PAWR: variants seen among roughly 807,000 people sequenced by gnomAD.
PAWR encodes pro-apoptotic WT1 regulator.
A neutral mutation model predicts 32.0 loss-of-function variants in PAWR; 23 were observed. That is an observed-to-expected ratio of 0.72 (90% CI 0.52 to 1.02). The LOEUF is 1.02. Among genes scored for constraint, PAWR ranks in the 50% least tolerant of loss-of-function variants. The pLI is 0.00. For synonymous variants in PAWR, 226 were observed against 187.1 expected (o/e 1.21, Z -1.70); for missense variants, 457 against 437.7 (o/e 1.04, Z -0.39).
intron 2 of PAWR, among the ~76,000 whole-genome samples, chr12:79,675,445 C>T (rs1035798310): frequency 5.3e-5 from 8 of 152,004 alleles, no homozygotes; most frequent in South Asian, 2.1e-4. Context: ...ATATATTCAT[C>T]GCAGCACTAT....
At position 79,590,125 on chromosome 12, in the gene PAWR, G is replaced by A. The variant is rs1283028885; in HGVS notation, c.*2482C>T. 3 of 151,746 alleles carry A rather than the reference G, an allele frequency of 2.0e-5. No homozygotes were observed. Among genetic ancestry groups the A allele is most frequent in the African/African-American group, 7.3e-5 (3 of 41,280 alleles). The allele number at this position is 151,746 out of a possible 1,614,324, so 9.4% of individuals were successfully genotyped here. A position where few individuals can be genotyped will look rare whatever the true frequency, so the allele number is the denominator to read the frequency against. ...TCCTGTCTTTACGCTATCATTAAAGGCCAAAAAAATCACTGCTAGAAATGT... is the reference window on the plus strand; with the variant it reads ...TCCTGTCTTTACGCTATCATTAAAGACCAAAAAAATCACTGCTAGAAATGT... On this transcript the variant is annotated 3_prime_UTR_variant, in exon 7 of 7. Coordinates refer to ENST00000328827, the MANE Select transcript of PAWR (RefSeq NM_002583.4).
At chr12:79,626,519 A>C (rs1370654794) in intron 2 of PAWR, among the ~76,000 whole-genome samples, 1 of 151,646 alleles carries the variant, frequency 6.6e-6, no homozygotes, top group African/African-American at 2.4e-5. Flanking sequence ...ACGGCCTCCC[A>C]AAGTGCTGGG....
At chr12:79,597,643 G>A (rs536607801) in intron 4 of PAWR, among the ~76,000 whole-genome samples, 1 of 152,104 alleles carries the variant, frequency 6.6e-6, no homozygotes, top group Non-Finnish European at 1.5e-5. Flanking sequence ...TGATAATTTT[G>A]TTATGCCATA....
In PAWR at chr12:79,612,367, A is replaced by G. The variant is rs7305261; in HGVS notation, c.683+1208T>C. Among the ~76,000 whole-genome samples the G allele has an allele frequency of 4.4e-3, 677 of 152,300 alleles. 8 individuals are homozygous for G. The highest frequency in any genetic ancestry group is 0.015 in the African/African-American group (612 of 41,576). ...AATACTGTAGCCCATGACAAAAATT[A>G]AAATTTTTATATAATATTGGTTAAT... On this transcript the variant is annotated intron_variant, in intron 4 of 6. Transcript: ENST00000328827.
intron 2 of PAWR, among the ~76,000 whole-genome samples, chr12:79,628,278 T>A (rs939809979): frequency 2.0e-5 from 3 of 152,014 alleles, no homozygotes; most frequent in Non-Finnish European, 2.9e-5. Context: ...AGACACAACA[T>A]ACATTCAGAA....
intron 2 of PAWR, among the ~76,000 whole-genome samples, chr12:79,626,118 C>T (rs1306791726): frequency 2.4e-5 from 3 of 127,368 alleles, no homozygotes; most frequent in South Asian, 2.9e-4. Context: ...GAGCCAAGAT[C>T]GTGCCACTGC....
intron 4 of PAWR, among the ~76,000 whole-genome samples, chr12:79,606,164 G>A (rs1242754048): frequency 6.6e-6 from 1 of 152,058 alleles, no homozygotes; most frequent in African/African-American, 2.4e-5. Flanking sequence ...AATCTATAAG[G>A]ACAGAAAACA....
intron 2 of PAWR, among the ~76,000 whole-genome samples, chr12:79,685,254 T>C (rs1878629862): frequency 6.6e-6 from 1 of 152,218 alleles, no homozygotes; most frequent in African/African-American, 2.4e-5. Flanking sequence ...TTACACTATA[T>C]CTACCCCATT....
At chr12:79,654,028 T>C (rs1013885034) in intron 2 of PAWR, among the ~76,000 whole-genome samples, 2 of 152,298 alleles carry the variant, frequency 1.3e-5, no homozygotes, top group Non-Finnish European at 2.9e-5. Context: ...AAAATCTTCC[T>C]ATAATAGCCA....
At position 79,595,890 on chromosome 12, in the gene PAWR, A is replaced by T. The variant is rs1320479425; in HGVS notation, c.831+621T>A. 3.9e-5 allele frequency among the ~76,000 whole-genome samples: 6 copies of T among 152,130 alleles called. No homozygotes were observed. The East Asian group carries it at 1.2e-3, about 29-fold the overall frequency. On this transcript the variant is annotated intron_variant, in intron 5 of 6. Coordinates refer to ENST00000328827, the MANE Select transcript of PAWR (RefSeq NM_002583.4). ...ATAAATAAAAATAAATAAAACTATG[A>T]AATAATAATTCCAAGAAGAAACTGT...
At chr12:79,595,692 C>CA (rs1436828423) in intron 5 of PAWR, among the ~76,000 whole-genome samples, 2 of 151,792 alleles carry the variant, frequency 1.3e-5, no homozygotes, top group Middle Eastern at 6.3e-3. Flanking sequence ...ACTAAAAATA[C>CA]AAAAAAAGAA....
At chr12:79,594,479 T>C (rs1873674226) in intron 5 of PAWR, 46 bp from the exon 6 acceptor site, 1 of 905,162 alleles carries the variant, frequency 1.1e-6, no homozygotes, top group Non-Finnish European at 1.8e-6. Flanking sequence ...TAATTGTTTA[T>C]TTATAATCTT....
chr12:79,686,024 C>T (rs772696100), intron 2 of PAWR, among the ~76,000 whole-genome samples: 2 of 152,196 alleles, frequency 1.3e-5, no homozygotes, highest in African/African-American at 2.4e-5. Context: ...CATGAGATTG[C>T]TGTGAACTTC....
In PAWR at chr12:79,592,522, C is replaced by T. The variant is rs763964271; in HGVS notation, c.*85G>A. ...CTTGCTTAGTTATTTTAATGTATTG[C>T]AGCATAGGAATATTGTGCTAGCATT... is the stretch of plus-strand genomic sequence containing the variant. On this transcript the variant is annotated 3_prime_UTR_variant, in exon 7 of 7. Transcript: ENST00000328827. The T allele has an allele frequency of 5.8e-5, 37 of 641,584 alleles. No homozygotes were observed. Among genetic ancestry groups the T allele is most frequent in the Non-Finnish European group, 9.1e-5 (33 of 363,766 alleles). The allele number at this position is 641,584 out of a possible 1,614,324, so 39.7% of individuals were successfully genotyped here. A position where few individuals can be genotyped will look rare whatever the true frequency, so the allele number is the denominator to read the frequency against.
At chr12:79,599,061 A>G (rs1873867955) in intron 4 of PAWR, among the ~76,000 whole-genome samples, 1 of 152,220 alleles carries the variant, frequency 6.6e-6, no homozygotes, top group African/African-American at 2.4e-5. Context: ...TTGCATGGAA[A>G]GCTAAGATCA....
chr12:79,654,485 C>T (rs1024954124), intron 2 of PAWR, among the ~76,000 whole-genome samples: 2 of 152,018 alleles, frequency 1.3e-5, no homozygotes, highest in Non-Finnish European at 2.9e-5. Flanking sequence ...ACAACCAAAG[C>T]TCTGGGAGAG....
At chr12:79,638,717 AC>A (rs1456414877) in intron 2 of PAWR, among the ~76,000 whole-genome samples, 3 of 149,464 alleles carry the variant, frequency 2.0e-5, no homozygotes, top group Admixed American at 1.3e-4. Context: ...CCTCAGCCCC[AC>A]TCAGGGTTCA....
chr12:79,690,234 C>A lies in PAWR; in HGVS notation c.11G>T (p.Gly4Val). 3 of 1,514,942 alleles carry A rather than the reference C, an allele frequency of 2.0e-6. No individual in the cohort carries two copies. The highest frequency in any genetic ancestry group is 1.8e-6 in the Non-Finnish European group (2 of 1,136,250). 93.8% of individuals were successfully genotyped at this position (1,514,942 alleles called of 1,614,324 possible). The change falls in exon 2 of 7, where the codon GGT (glycine) becomes GTT (valine). Residue 4 changes from glycine (G) to valine (V), a missense_variant. By Grantham distance (109) the Gly-to-Val change is moderately radical. Coordinates refer to ENST00000328827, the MANE Select transcript of PAWR (RefSeq NM_002583.4). ...GAGGCCGCTGCTGGTCCGGTAGCCA[C>A]CGGTCGCCATATTCCCAAAGGGGCC... The part of the protein sequence containing the change: MAT[G>V]GYRTSSGLGG...
At chr12:79,654,107 A>T (rs1368017183) in intron 2 of PAWR, among the ~76,000 whole-genome samples, 1 of 152,252 alleles carries the variant, frequency 6.6e-6, no homozygotes, top group African/African-American at 2.4e-5. Context: ...AGAGGAAGAT[A>T]AAAAGGTTAA....
Sources: gnomAD v4.1 joint callset for allele counts (sites outside exome capture counted in the v4.1 genomes callset) on GRCh38, gnomAD v4.1.1 for gene constraint, MANE v1.5 for transcripts, NCBI Gene and HGNC (gene_info 2026-07-23, HGNC 2026-07-21) for gene names.